Variants in PHLDA2 observed in about 807,000 individuals in gnomAD.
The protein encoded by PHLDA2 is pleckstrin homology like domain family A member 2, also known as pleckstrin homology-like domain family A member 2.
A neutral mutation model predicts 5.9 loss-of-function variants in PHLDA2; 5 were observed. The observed-to-expected ratio is 0.85, with a 90% CI of 0.44 to 1.78. The LOEUF is 1.78. Among genes scored for constraint, PHLDA2 ranks in the 40% most tolerant of loss-of-function variants. The pLI, the probability that PHLDA2 is intolerant of heterozygous loss-of-function variation, is 0.02. For missense variants in PHLDA2, 216 were observed against 228.3 expected, an observed-to-expected ratio of 0.95 and a Z score of 0.35; for synonymous variants, 111 against 102.7, an observed-to-expected ratio of 1.08 and a Z score of -0.49.
Position 2,929,142 on chromosome 11 carries a change from T to C in PHLDA2, c.223A>G (p.Thr75Ala), listed in dbSNP as rs1405539455. The C allele has an allele frequency of 1.2e-6, 2 of 1,612,860 alleles. No homozygotes were observed. Among genetic ancestry groups the C allele is most frequent in the Middle Eastern group, 1.7e-4 (1 of 6,060 alleles). The part of the protein sequence containing the change: ...GKYVYFTIVT[T>A]DHKEIDFRCA... ...CGGAAGTCGATCTCCTTGTGGTCGG[T>C]GGTGACGATGGTGAAGTACACGTAC... is the stretch of plus-strand genomic sequence containing the variant. The change falls in exon 1 of 2, where the codon ACC becomes GCC. Residue 75 changes from threonine to alanine, a missense_variant. Physicochemically the swap from Thr to Ala is moderately conservative, Grantham distance 58. Coordinates refer to ENST00000314222, the MANE Select transcript of PHLDA2 (RefSeq NM_003311.4). The surrounding 1 kb of genome is among the most constrained non-coding windows in gnomAD (Gnocchi z 8.3).
chr11:2,929,155 G>A lies in PHLDA2; in HGVS notation c.210C>T (p.Phe70=), dbSNP rs1297932024. 2 of 1,612,876 alleles carry A rather than the reference G, an allele frequency of 1.2e-6. No individual in the cohort carries two copies. Among genetic ancestry groups the A allele is most frequent in the African/African-American group, 1.3e-5 (1 of 74,914 alleles). Residue 70 remains phenylalanine (F), a synonymous_variant, in exon 1 of 2, where the codon TTC becomes TTT. Transcript: ENST00000314222. The surrounding 1 kb of genome is among the most constrained non-coding windows in gnomAD (Gnocchi z 8.3). ...CCTTGTGGTCGGTGGTGACGATGGT[G>A]AAGTACACGTACTTGCCCGTGCGCT... The part of the protein sequence containing the change: ...CVERTGKYVY[F]TIVTTDHKEI...
Position 2,928,274 on chromosome 11 carries a change from C to G in PHLDA2, c.*404G>C, listed in dbSNP as rs1187019212. On this transcript the variant is annotated 3_prime_UTR_variant, in exon 2 of 2. Coordinates refer to ENST00000314222, the MANE Select transcript of PHLDA2 (RefSeq NM_003311.4). The stretch of plus-strand genomic sequence containing the variant: ...AAAAGAGGGTGTGGACCAGGCCCAG[C>G]AGATGACACGATTCATTTATTCATT... 1 of 152,380 alleles carries G rather than the reference C, an allele frequency of 6.6e-6. No homozygotes were observed. Among genetic ancestry groups the G allele is most frequent in the East Asian group, 1.9e-4 (1 of 5,170 alleles). The allele number at this position is 152,380 out of a possible 1,614,324, so 9.4% of individuals were successfully genotyped here.
Position 2,929,270 on chromosome 11 carries a change from G to A in PHLDA2, c.95C>T (p.Thr32Ile), listed in dbSNP as rs1205092034. 6.2e-7 allele frequency: 1 copy of A among 1,611,218 alleles called. No individual in the cohort carries two copies. The highest frequency in any genetic ancestry group is 1.3e-5 in the African/African-American group (1 of 74,896). The stretch of plus-strand genomic sequence containing the variant: ...GGGGAACAGGCTCAGGCGGTCGGAG[G>A]TGAGCACCCCGCGCTTCTTCTTCCA... ...QLWKKKRGVL[T>I]SDRLSLFPAS... Residue 32 changes from threonine (T) to isoleucine (I), a missense_variant, in exon 1 of 2, where the codon ACC (threonine) becomes ATC (isoleucine). By Grantham distance (89) the Thr-to-Ile change is moderately conservative (BLOSUM62 -1). Transcript: ENST00000314222. The surrounding 1 kb of genome is among the most constrained non-coding windows in gnomAD (Gnocchi z 8.3).
intron 1 of PHLDA2, 98 bp downstream of exon 1, chr11:2,928,798 C>CCCCCG (rs1850470648): frequency 1.1e-6 from 1 of 921,784 alleles, no homozygotes; most frequent in Admixed American, 4.2e-5. Flanking sequence ...AGGTGCAGCG[C>CCCCCG]CCCCGCCCCG....
chr11:2,928,535 A>C lies in PHLDA2; in HGVS notation c.*143T>G. 1 of 304,940 alleles carries C rather than the reference A, an allele frequency of 3.3e-6. No homozygotes were observed. 18.9% of individuals were successfully genotyped at this position (304,940 alleles called of 1,614,324 possible). A position where few individuals can be genotyped will look rare whatever the true frequency, so the allele number is the denominator to read the frequency against. ...GAACCAGCGAAATAAATACATAGATATTAGATAGTCCAATAACTTAAGGCG... is the reference window on the plus strand; with the variant it reads ...GAACCAGCGAAATAAATACATAGATCTTAGATAGTCCAATAACTTAAGGCG... On this transcript the variant is annotated 3_prime_UTR_variant, in exon 2 of 2. Coordinates refer to ENST00000314222, the MANE Select transcript of PHLDA2 (RefSeq NM_003311.4).
chr11:2,929,232 C>T lies in PHLDA2; in HGVS notation c.133G>A (p.Ala45Thr), dbSNP rs1850482289. The T allele has an allele frequency of 6.2e-7, 1 of 1,611,978 alleles. No individual in the cohort carries two copies. The highest frequency in any genetic ancestry group is 8.5e-7 in the Non-Finnish European group (1 of 1,179,726). The change falls in exon 1 of 2, where the codon GCG becomes ACG. Residue 45 changes from alanine (A) to threonine (T), a missense_variant. Physicochemically the swap from Ala to Thr is moderately conservative, Grantham distance 58 (BLOSUM62 0). Transcript: ENST00000314222. The surrounding 1 kb of genome is among the most constrained non-coding windows in gnomAD (Gnocchi z 8.3). Reference protein sequence around the residue: ...RLSLFPASPRARPKELRFHSI... With the variant: ...RLSLFPASPRTRPKELRFHSI... ...TGGAAGCGCAGCTCCTTGGGGCGCG[C>T]GCGGGGGCTGGCGGGGAACAGGCTC...
rs1400274825 is a variant in PHLDA2, at chr11:2,928,634, C to G, written c.*44G>C. ...CAGGGCTGGAGAGCGCCGGCCACGTCCTAGCCTCGGTCCGACTCGTCCAGC... is the reference window on the plus strand; with the variant it reads ...CAGGGCTGGAGAGCGCCGGCCACGTGCTAGCCTCGGTCCGACTCGTCCAGC... On this transcript the variant is annotated 3_prime_UTR_variant, in exon 2 of 2. Coordinates refer to ENST00000314222, the MANE Select transcript of PHLDA2 (RefSeq NM_003311.4). The G allele has an allele frequency of 2.3e-6, 1 of 427,324 alleles. No homozygotes were observed. Among genetic ancestry groups the G allele is most frequent in the African/African-American group, 2.1e-5 (1 of 48,438 alleles). The allele number at this position is 427,324 out of a possible 1,614,324, so 26.5% of individuals were successfully genotyped here. A position where few individuals can be genotyped will look rare whatever the true frequency, so the allele number is the denominator to read the frequency against.
At position 2,928,632 on chromosome 11, in the gene PHLDA2, G is replaced by A. The variant is rs912978695; in HGVS notation, c.*46C>T. ...TGCAGGGCTGGAGAGCGCCGGCCAC[G>A]TCCTAGCCTCGGTCCGACTCGTCCA... is the stretch of plus-strand genomic sequence containing the variant. On this transcript the variant is annotated 3_prime_UTR_variant, in exon 2 of 2. Transcript: ENST00000314222. The A allele has an allele frequency of 2.4e-6, 1 of 422,908 alleles. No homozygotes were observed. The highest frequency in any genetic ancestry group is 4.1e-6 in the Non-Finnish European group (1 of 243,492). The allele number at this position is 422,908 out of a possible 1,614,324, so 26.2% of individuals were successfully genotyped here. A position where few individuals can be genotyped will look rare whatever the true frequency, so the allele number is the denominator to read the frequency against.
In PHLDA2 at chr11:2,929,209, G is replaced by C. The variant is rs776921841; in HGVS notation, c.156C>G (p.Phe52Leu). The C allele has an allele frequency of 1.3e-5, 21 of 1,612,474 alleles. 1 individual carries two copies. Among genetic ancestry groups the C allele is most frequent in the Non-Finnish European group, 1.8e-5 (21 of 1,179,868 alleles). The change falls in exon 1 of 2, where the codon TTC (phenylalanine) becomes TTG (leucine). Residue 52 changes from phenylalanine (F) to leucine (L), a missense_variant. Phe to Leu is a conservative substitution (Grantham distance 22, BLOSUM62 0). Coordinates refer to ENST00000314222, the MANE Select transcript of PHLDA2 (RefSeq NM_003311.4). The surrounding 1 kb of genome is among the most constrained non-coding windows in gnomAD (Gnocchi z 8.3). The stretch of plus-strand genomic sequence containing the variant: ...CGCAGTCCACCTTGAGGATGGAGTG[G>C]AAGCGCAGCTCCTTGGGGCGCGCGC... ...SPRARPKELR[F>L]HSILKVDCVE... is the part of the protein sequence containing the mutation.
rs1367055608 is a variant in PHLDA2, at chr11:2,928,602, T to G, written c.*76A>C. The G allele has an allele frequency of 1.5e-5, 6 of 400,872 alleles. No individual in the cohort carries two copies. The highest frequency in any genetic ancestry group is 3.8e-5 in the East Asian group (1 of 26,458). The allele number at this position is 400,872 out of a possible 1,614,324, so 24.8% of individuals were successfully genotyped here. A position where few individuals can be genotyped will look rare whatever the true frequency, so the allele number is the denominator to read the frequency against. ...AGGATCCGCGCGCACGGGAAGTTCT[T>G]CTGCTGCAGGGCTGGAGAGCGCCGG... is the stretch of plus-strand genomic sequence containing the variant. On this transcript the variant is annotated 3_prime_UTR_variant, in exon 2 of 2. Coordinates refer to ENST00000314222, the MANE Select transcript of PHLDA2 (RefSeq NM_003311.4).
At position 2,928,976 on chromosome 11, in the gene PHLDA2, G is replaced by GCGGCAGCCA. The variant is rs1397201743; in HGVS notation, c.380_388dup (p.Val127_Ala129dup). ...CGAGGGCTCGGAGGGTGCGGCGGCC[G>GCGGCAGCCA]CGGCAGCCACGGCGTCCTCGGCGGG... On this transcript the variant is annotated inframe_insertion, in exon 1 of 2. Coordinates refer to ENST00000314222, the MANE Select transcript of PHLDA2 (RefSeq NM_003311.4). 4 of 1,528,630 alleles carry GCGGCAGCCA rather than the reference G, an allele frequency of 2.6e-6. No homozygotes were observed. Among genetic ancestry groups the GCGGCAGCCA allele is most frequent in the Non-Finnish European group, 3.5e-6 (4 of 1,150,368 alleles). The allele number at this position is 1,528,630 out of a possible 1,614,324, so 94.7% of individuals were successfully genotyped here.
chr11:2,929,235 G>C lies in PHLDA2; in HGVS notation c.130C>G (p.Arg44Gly), dbSNP rs1354527094. ...AAGCGCAGCTCCTTGGGGCGCGCGC[G>C]GGGGCTGGCGGGGAACAGGCTCAGG... ...DRLSLFPASP[R>G]ARPKELRFHS... Residue 44 changes from arginine (R) to glycine (G), a missense_variant, in exon 1 of 2, where the codon CGC becomes GGC. Physicochemically the swap from Arg to Gly is moderately radical, Grantham distance 125. Coordinates refer to ENST00000314222, the MANE Select transcript of PHLDA2 (RefSeq NM_003311.4). The surrounding 1 kb of genome is among the most constrained non-coding windows in gnomAD (Gnocchi z 8.3). 1 of 1,611,824 alleles carries C rather than the reference G, an allele frequency of 6.2e-7. No individual in the cohort carries two copies. Among genetic ancestry groups the C allele is most frequent in the Admixed American group, 1.7e-5 (1 of 59,940 alleles).
At position 2,929,182 on chromosome 11, in the gene PHLDA2, C is replaced by T. The variant is rs769208594; in HGVS notation, c.183G>A (p.Val61=). The change falls in exon 1 of 2, where the codon GTG becomes GTA. Residue 61 remains valine, a synonymous_variant. Transcript: ENST00000314222. This position sits in a 1 kb window ranked among gnomAD's most constrained non-coding sequence, Gnocchi z 8.3. Reference sequence around the variant, plus strand: ...AGTACACGTACTTGCCCGTGCGCTCCACGCAGTCCACCTTGAGGATGGAGT... The same window carrying T: ...AGTACACGTACTTGCCCGTGCGCTCTACGCAGTCCACCTTGAGGATGGAGT... ...RFHSILKVDC[V]ERTGKYVYFT... 4.3e-6 allele frequency: 7 copies of T among 1,612,674 alleles called. No homozygotes were observed. Among genetic ancestry groups the T allele is most frequent in the Non-Finnish European group, 5.1e-6 (6 of 1,179,882 alleles).
rs1850464685 is a variant in PHLDA2, at chr11:2,928,560, G to T, written c.*118C>A. The T allele has an allele frequency of 5.4e-6, 2 of 373,504 alleles. No homozygotes were observed. The highest frequency in any genetic ancestry group is 1.1e-4 in the South Asian group (1 of 8,996). The allele number at this position is 373,504 out of a possible 1,614,324, so 23.1% of individuals were successfully genotyped here. ...ATTAGATAGTCCAATAACTTAAGGC[G>T]CCCGTGCAACGGAGCGAGGATCCGC... On this transcript the variant is annotated 3_prime_UTR_variant, in exon 2 of 2. Transcript: ENST00000314222.
chr11:2,929,275 C>A lies in PHLDA2; in HGVS notation c.90G>T (p.Val30=). Residue 30 remains valine (V), a synonymous_variant, in exon 1 of 2, where the codon GTG becomes GTT. Transcript: ENST00000314222. This position sits in a 1 kb window ranked among gnomAD's most constrained non-coding sequence, Gnocchi z 8.3. ...ACAGGCTCAGGCGGTCGGAGGTGAGCACCCCGCGCTTCTTCTTCCATAGCT... is the reference window on the plus strand; with the variant it reads ...ACAGGCTCAGGCGGTCGGAGGTGAGAACCCCGCGCTTCTTCTTCCATAGCT... ...LFQLWKKKRG[V]LTSDRLSLFP... 1.2e-6 allele frequency: 2 copies of A among 1,610,924 alleles called. No homozygotes were observed. Among genetic ancestry groups the A allele is most frequent in the Non-Finnish European group, 1.7e-6 (2 of 1,179,344 alleles).
At position 2,928,564 on chromosome 11, in the gene PHLDA2, G is replaced by A. The variant is rs1850464839; in HGVS notation, c.*114C>T. On this transcript the variant is annotated 3_prime_UTR_variant, in exon 2 of 2. Transcript: ENST00000314222. ...GATAGTCCAATAACTTAAGGCGCCCGTGCAACGGAGCGAGGATCCGCGCGC... is the reference window on the plus strand; with the variant it reads ...GATAGTCCAATAACTTAAGGCGCCCATGCAACGGAGCGAGGATCCGCGCGC... The A allele has an allele frequency of 2.6e-6, 1 of 379,104 alleles. No homozygotes were observed. Among genetic ancestry groups the A allele is most frequent in the Non-Finnish European group, 4.6e-6 (1 of 215,888 alleles). 23.5% of individuals were successfully genotyped at this position (379,104 alleles called of 1,614,324 possible).
rs532813465 is a variant in PHLDA2 at position 2,928,491 on chromosome 11, T to C, written c.*187A>G. On this transcript the variant is annotated 3_prime_UTR_variant, in exon 2 of 2. Coordinates refer to ENST00000314222, the MANE Select transcript of PHLDA2 (RefSeq NM_003311.4). ...ATGCAAAAACAAGATATTAAGACTA[T>C]AAAATATGTGACTACAAAGAACCAG... is the stretch of plus-strand genomic sequence containing the variant. 6.7e-5 allele frequency: 14 copies of C among 208,006 alleles called. No individual in the cohort carries two copies. The highest frequency in any genetic ancestry group is 1.2e-4 in the Admixed American group (2 of 16,686). The allele number at this position is 208,006 out of a possible 1,614,324, so 12.9% of individuals were successfully genotyped here. A position where few individuals can be genotyped will look rare whatever the true frequency, so the allele number is the denominator to read the frequency against.
chr11:2,928,909 T>C lies in PHLDA2; in HGVS notation c.456A>G (p.Pro152=), dbSNP rs932101377. 2.9e-6 allele frequency: 4 copies of C among 1,373,842 alleles called. No homozygotes were observed. Among genetic ancestry groups the C allele is most frequent in the Non-Finnish European group, 3.7e-6 (4 of 1,072,518 alleles). The allele number at this position is 1,373,842 out of a possible 1,614,324, so 85.1% of individuals were successfully genotyped here. The change falls in exon 1 of 2, where the codon CCA becomes CCG. Residue 152 remains proline (P), a synonymous_variant. Transcript: ENST00000314222. ...RPSPQPKPRT[P] is the part of the protein sequence containing the mutation. ...GCAGTCACTCACCGCGGCGGGCTCA[T>C]GGCGTGCGGGGTTTGGGCTGCGGGG... is the stretch of plus-strand genomic sequence containing the variant.
chr11:2,929,302 G>A lies in PHLDA2; in HGVS notation c.63C>T (p.Phe21=). 1 of 1,610,278 alleles carries A rather than the reference G, an allele frequency of 6.2e-7. No homozygotes were observed. The highest frequency in any genetic ancestry group is 8.5e-7 in the Non-Finnish European group (1 of 1,179,128). ...CCCCGCGCTTCTTCTTCCATAGCTG[G>A]AAGAGGCTGTCGCTGCGCTTCTCCA... ...GELEKRSDSL[F]QLWKKKRGVL... The change falls in exon 1 of 2, where the codon TTC becomes TTT. Residue 21 remains phenylalanine, a synonymous_variant. Transcript: ENST00000314222. This position sits in a 1 kb window ranked among gnomAD's most constrained non-coding sequence, Gnocchi z 8.3.
Sources: gnomAD v4.1 joint callset for allele counts on GRCh38, gnomAD v4.1.1 for gene constraint, Gnocchi (gnomAD v3.1) non-coding constraint, MANE v1.5 for transcripts, NCBI Gene and HGNC (gene_info 2026-07-23, HGNC 2026-07-21) for gene names.